The following APOL1 variants were observed in gnomAD, a reference collection of about 807,000 sequenced individuals.
APOL1 encodes the protein apolipoprotein L1.
APOL1 carries 17 observed loss-of-function variants against 14.9 expected under a neutral mutation model. The observed-to-expected ratio is 1.14, with a 90% CI of 0.78 to 1.71. The LOEUF is 1.71. Among genes scored for constraint, APOL1 ranks in the 40% most tolerant of loss-of-function variants. APOL1 has a pLI of 0.00. For missense variants in APOL1, 523 were observed against 485.9 expected (o/e 1.08, Z -0.72); for synonymous variants, 195 against 184.8 (o/e 1.05, Z -0.45).
intron 1 of APOL1, among the ~76,000 whole-genome samples, chr22:36,253,467 A>T (rs1422186504): frequency 6.6e-6 from 1 of 152,180 alleles, no homozygotes; most frequent in Non-Finnish European, 1.5e-5. Context: ...CTGAGACACG[A>T]CTGAGTGAAC....
chr22:36,262,551 G>A (rs942306083), intron 5 of APOL1, among the ~76,000 whole-genome samples: 1 of 152,234 alleles, frequency 6.6e-6, no homozygotes, highest in Non-Finnish European at 1.5e-5. Flanking sequence ...GAGTCAGGAT[G>A]GAGCAAGAGT....
intron 4 of APOL1, chr22:36,259,586 C>T: frequency 1.6e-6 from 2 of 1,226,342 alleles, no homozygotes; most frequent in Non-Finnish European, 2.1e-6. Flanking sequence ...TCAGCCGACC[C>T]CGGAATCCTT....
chr22:36,256,129 G>A (rs181850504), intron 2 of APOL1, among the ~76,000 whole-genome samples: 4 of 152,166 alleles, frequency 2.6e-5, no homozygotes, highest in Admixed American at 1.3e-4. Context: ...ACTAATTGGT[G>A]TTGATAACAA....
At chr22:36,259,906 A>G in intron 4 of APOL1, 2 of 1,299,468 alleles carry the variant, frequency 1.5e-6, no homozygotes, top group South Asian at 2.5e-5. Flanking sequence ...TTAAACTTTA[A>G]ATAGCCCCAC....
rs1044798279 is a variant in APOL1, at chr22:36,257,561, A to AC, written c.187+157dup. Reference sequence around the variant, plus strand: ...AGAAGAGGTCACGTGGAGTCCCCCGACCCAGGGGTCTGGGGGTCATCTGCA... The same window carrying AC: ...AGAAGAGGTCACGTGGAGTCCCCCGACCCCAGGGGTCTGGGGGTCATCTGCA... On this transcript the variant is annotated intron_variant, in intron 4 of 5. Coordinates refer to ENST00000397278, the MANE Select transcript of APOL1 (RefSeq NM_003661.4). The AC allele has an allele frequency of 5.5e-5, 43 of 777,232 alleles. No individual in the cohort carries two copies. The African/African-American group carries it at 7.2e-4, about 13-fold the overall frequency. The allele number at this position is 777,232 out of a possible 1,614,324, so 48.1% of individuals were successfully genotyped here. A position where few individuals can be genotyped will look rare whatever the true frequency, so the allele number is the denominator to read the frequency against.
Position 36,257,106 on chromosome 22 carries a change from T to C in APOL1, c.68T>C (p.Val23Ala). Residue 23 changes from valine (V) to alanine (A), a missense_variant, in exon 3 of 6, where the codon GTG (valine) becomes GCG (alanine). By Grantham distance (64) the Val-to-Ala change is moderately conservative. Coordinates refer to ENST00000397278, the MANE Select transcript of APOL1 (RefSeq NM_003661.4). ...AGGATGAGTGCACTTTTCCTTGGTG[T>C]GGGAGTGAGGGCAGAGGAAGCTGGA... is the stretch of plus-strand genomic sequence containing the variant. Reference protein sequence around the residue: ...CIWMSALFLGVGVRAEEAGAR... With the variant: ...CIWMSALFLGAGVRAEEAGAR... The C allele has an allele frequency of 6.2e-7, 1 of 1,614,122 alleles. No individual in the cohort carries two copies. The highest frequency in any genetic ancestry group is 1.1e-5 in the South Asian group (1 of 91,082).
chr22:36,257,326 C>A lies in APOL1; in HGVS notation c.106C>A (p.Gln36Lys). 1 of 1,614,158 alleles carries A rather than the reference C, an allele frequency of 6.2e-7. No homozygotes were observed. The highest frequency in any genetic ancestry group is 2.2e-5 in the East Asian group (1 of 44,886). ...TGTTTTCTCCTCCTCAAGGGTGCAA[C>A]AAAACGTTCCAAGTGGGACAGATAC... is the stretch of plus-strand genomic sequence containing the variant. ...RAEEAGARVQ[Q>K]NVPSGTDTGD... is the part of the protein sequence containing the mutation. The change falls in exon 4 of 6, where the codon CAA (glutamine) becomes AAA (lysine). Residue 36 changes from glutamine (Q) to lysine (K), a missense_variant. By Grantham distance (53) the Gln-to-Lys change is moderately conservative. Transcript: ENST00000397278.
At chr22:36,254,787 C>T (rs895137131) in intron 1 of APOL1, 150 bp from the exon 2 acceptor site, 25 of 954,514 alleles carry the variant, frequency 2.6e-5, no homozygotes, top group African/African-American at 8.2e-5. Context: ...GGCGTGAACC[C>T]GGGAGGCAGA....
chr22:36,257,219 A>C, intron 3 of APOL1, 83 bp downstream of exon 3: 1 of 1,606,784 alleles, frequency 6.2e-7, no homozygotes, highest in Admixed American at 1.7e-5. Flanking sequence ...GTTTGCTTCC[A>C]CCCCAGAGAG....
chr22:36,255,103 G>A, intron 2 of APOL1, 104 bp downstream of exon 2: 1 of 1,369,632 alleles, frequency 7.3e-7, no homozygotes, highest in Non-Finnish European at 1.0e-6. Flanking sequence ...GCTTCTTCTA[G>A]GAACCAAAGT....
intron 4 of APOL1, among the ~76,000 whole-genome samples, chr22:36,260,195 C>T (rs1012327907): frequency 2.0e-5 from 3 of 152,158 alleles, no homozygotes; most frequent in Non-Finnish European, 2.9e-5. Context: ...GAGATCGAGA[C>T]GATCCTGTCT....
At chr22:36,264,810 CTTTT>C (rs368899919) in intron 5 of APOL1, among the ~76,000 whole-genome samples, 3 of 120,424 alleles carry the variant, frequency 2.5e-5, no homozygotes. Context: ...AACTGCATTT[CTTTT>C]TTTTTTTTTT....
At chr22:36,259,655 T>C in intron 4 of APOL1, 1 of 1,283,776 alleles carries the variant, frequency 7.8e-7, no homozygotes, top group Non-Finnish European at 1.0e-6. Context: ...AGATGATCTG[T>C]GGTTTAATAA....
intron 2 of APOL1, among the ~76,000 whole-genome samples, chr22:36,256,236 G>C (rs1422810229): frequency 2.6e-5 from 4 of 152,112 alleles, no homozygotes; most frequent in African/African-American, 4.8e-5. Flanking sequence ...CTGAAAGAAA[G>C]GGCATCTTCA....
At position 36,253,685 on chromosome 22, in the gene APOL1, A is replaced by C. The variant is rs896119938; in HGVS notation, c.-20+466A>C. Among the ~76,000 whole-genome samples the C allele has an allele frequency of 2.6e-5, 4 of 152,162 alleles. No homozygotes were observed. In the East Asian group the frequency reaches 7.7e-4, roughly 29 times the overall value. ...AAGGAGTTCAGAGGTCATCTCACCC[A>C]CCCTGAGTCTGAGCACCAACTTGTG... On this transcript the variant is annotated intron_variant, in intron 1 of 5. Coordinates refer to ENST00000397278, the MANE Select transcript of APOL1 (RefSeq NM_003661.4).
At chr22:36,261,994 C>T (rs2016090799) in intron 5 of APOL1, among the ~76,000 whole-genome samples, 1 of 152,374 alleles carries the variant, frequency 6.6e-6, no homozygotes, top group African/African-American at 2.4e-5. Context: ...TTCTCACTTT[C>T]AGCCTTTCTT....
chr22:36,254,550 G>C lies in APOL1; in HGVS notation c.-19-387G>C, dbSNP rs370798127. On this transcript the variant is annotated intron_variant, in intron 1 of 5. Transcript: ENST00000397278. ...TCAAAGCCCTGCAGCCTGGGTGACA[G>C]AGCAAAACTGTTTATTAAAAACTAA... 2.2e-4 allele frequency among the ~76,000 whole-genome samples: 33 copies of C among 152,244 alleles called. No homozygotes were observed. In the South Asian group the frequency reaches 6.8e-3, roughly 32 times the overall value.
At chr22:36,258,975 C>T (rs1215153530) in intron 4 of APOL1, among the ~76,000 whole-genome samples, 1 of 152,154 alleles carries the variant, frequency 6.6e-6, no homozygotes, top group African/African-American at 2.4e-5. Flanking sequence ...CATCCCCTCC[C>T]CCTGTCCCTA....
Position 36,261,666 on chromosome 22 carries a change from C to G in APOL1, c.258C>G (p.Leu86=), listed in dbSNP as rs200109088. 4 of 1,614,166 alleles carry G rather than the reference C, an allele frequency of 2.5e-6. No individual in the cohort carries two copies. Among genetic ancestry groups the G allele is most frequent in the African/African-American group, 2.7e-5 (2 of 75,052 alleles). ...AAGTGAGCACACAGAATCTGCTACT[C>G]CTGCTGACTGATAATGAGGCCTGGA... ...KEKVSTQNLL[L]LLTDNEAWNG... is the part of the protein sequence containing the mutation. The change falls in exon 5 of 6, where the codon CTC becomes CTG. Residue 86 remains leucine, a synonymous_variant. Transcript: ENST00000397278.
Sources: gnomAD v4.1 joint callset for allele counts (sites outside exome capture counted in the v4.1 genomes callset) on GRCh38, gnomAD v4.1.1 for gene constraint, MANE v1.5 for transcripts, NCBI Gene and HGNC (gene_info 2026-07-23, HGNC 2026-07-21) for gene names.